The following YWHAZ variants were observed in gnomAD, a reference collection of about 807,000 sequenced individuals.
The protein encoded by YWHAZ is 14-3-3 protein zeta/delta.
For missense variants in YWHAZ, 79 were observed against 284.8 expected (o/e 0.28, Z 5.20); for synonymous variants, 87 against 103.6 (o/e 0.84, Z 0.97).
Position 100,917,376 on chromosome 8 carries a change from A to G in YWHAZ, c.*3317T>C, listed in dbSNP as rs2130043560. ...GGAAAGCCCATCGTTTTTACTAATC[A>G]CACTGCTGCTCCACTTTCTGAAGGA... On this transcript the variant is annotated 3_prime_UTR_variant, in exon 6 of 6. Transcript: ENST00000395958. 6.6e-6 allele frequency: 1 copy of G among 152,258 alleles called. No homozygotes were observed. The highest frequency in any genetic ancestry group is 3.4e-3 in the Middle Eastern group (1 of 294). 9.4% of individuals were successfully genotyped at this position (152,258 alleles called of 1,614,324 possible).
intron 5 of YWHAZ, among the ~76,000 whole-genome samples, chr8:100,921,649 A>G (rs1813034623): frequency 6.6e-6 from 1 of 152,226 alleles, no homozygotes; most frequent in South Asian, 2.1e-4. Context: ...AGCTCTTGCC[A>G]TTACTTTAAA....
At chr8:100,944,232 A>G (rs1383339512) in intron 2 of YWHAZ, among the ~76,000 whole-genome samples, 1 of 152,188 alleles carries the variant, frequency 6.6e-6, no homozygotes, top group East Asian at 1.9e-4. Context: ...CTAACTCTAC[A>G]TAGCAGTTTT....
chr8:100,950,112 A>G (rs1357024489), intron 1 of YWHAZ, among the ~76,000 whole-genome samples: 2 of 152,236 alleles, frequency 1.3e-5, no homozygotes, highest in Non-Finnish European at 2.9e-5. Flanking sequence ...TTTTAAACAA[A>G]TAATTAACCA....
chr8:100,945,767 G>C (rs1810220913), intron 2 of YWHAZ, among the ~76,000 whole-genome samples: 1 of 152,074 alleles, frequency 6.6e-6, no homozygotes, highest in Non-Finnish European at 1.5e-5. Flanking sequence ...GGAAAAAGAA[G>C]CCTATTATCG....
chr8:100,926,693 C>G (rs1275516520), intron 2 of YWHAZ, among the ~76,000 whole-genome samples: 2 of 152,216 alleles, frequency 1.3e-5, no homozygotes, highest in African/African-American at 4.8e-5. Context: ...CAACCTCTGT[C>G]TTACACCACA....
intron 2 of YWHAZ, among the ~76,000 whole-genome samples, chr8:100,934,091 G>A (rs554145863): frequency 3.4e-5 from 5 of 148,174 alleles, no homozygotes; most frequent in Non-Finnish European, 4.5e-5. Context: ...CCCTGGAGGC[G>A]GAGGTTGCAG....
At position 100,918,206 on chromosome 8, in the gene YWHAZ, G is replaced by C. The variant is rs1812781697; in HGVS notation, c.*2487C>G. The C allele has an allele frequency of 6.6e-6, 1 of 150,744 alleles. No homozygotes were observed. Among genetic ancestry groups the C allele is most frequent in the Non-Finnish European group, 1.5e-5 (1 of 67,738 alleles). 9.3% of individuals were successfully genotyped at this position (150,744 alleles called of 1,614,324 possible). On this transcript the variant is annotated 3_prime_UTR_variant, in exon 6 of 6. Transcript: ENST00000395958. ...AAAAACACAAAAATTAGCCAGGTGT[G>C]GTGGCGGGCACCTGTAATCCCAGCT...
chr8:100,932,508 G>A (rs1456261566), intron 2 of YWHAZ, among the ~76,000 whole-genome samples: 2 of 152,104 alleles, frequency 1.3e-5, no homozygotes, highest in African/African-American at 2.4e-5. Flanking sequence ...CACTTTTACA[G>A]TCATAAAAAA....
intron 2 of YWHAZ, among the ~76,000 whole-genome samples, chr8:100,932,892 A>G (rs1813855861): frequency 1.3e-5 from 2 of 152,216 alleles, no homozygotes. Flanking sequence ...TTTCTTTTTA[A>G]AAGAAACAGT....
At chr8:100,949,292 A>T (rs1810530176) in intron 1 of YWHAZ, among the ~76,000 whole-genome samples, 1 of 152,220 alleles carries the variant, frequency 6.6e-6, no homozygotes. Context: ...CTTTAGTAAA[A>T]GCATTGTTTA....
intron 2 of YWHAZ, chr8:100,935,202 T>A (rs531443443): frequency 3.9e-5 from 6 of 152,236 alleles, no homozygotes; most frequent in Admixed American, 1.3e-4. Flanking sequence ...ACATATATAC[T>A]CTTAACCTAC....
In YWHAZ at chr8:100,924,561, G is replaced by GACCC. The variant is rs1366170041; in HGVS notation, c.419-267_419-264dup. 6.6e-6 allele frequency among the ~76,000 whole-genome samples: 1 copy of GACCC among 151,770 alleles called. No individual in the cohort carries two copies. Among genetic ancestry groups the GACCC allele is most frequent in the Non-Finnish European group, 1.5e-5 (1 of 67,976 alleles). ...AAAATTGACGAGTTTTGACATCCCA[G>GACCC]ACCCAAGCAATCCTCCCACCTCAGC... On this transcript the variant is annotated intron_variant, in intron 3 of 5. Coordinates refer to ENST00000395958, the MANE Select transcript of YWHAZ (RefSeq NM_145690.3). This position sits in a 1 kb window ranked among gnomAD's most constrained non-coding sequence, Gnocchi z 5.7.
rs778927670 is a variant in YWHAZ, at chr8:100,943,010, G to A, written c.294+5586C>T. On this transcript the variant is annotated intron_variant, in intron 2 of 5. Coordinates refer to ENST00000395958, the MANE Select transcript of YWHAZ (RefSeq NM_145690.3). ...AATCCTGGGAACTATACAATTCAGCGTGAATGTAAAGGATAGGGAACCAAT... is the reference window on the plus strand; with the variant it reads ...AATCCTGGGAACTATACAATTCAGCATGAATGTAAAGGATAGGGAACCAAT... 2.6e-5 allele frequency among the ~76,000 whole-genome samples: 4 copies of A among 152,172 alleles called. No individual in the cohort carries two copies. The South Asian group carries it at 6.2e-4, about 24-fold the overall frequency.
upstream of YWHAZ, chr8:100,952,883 T>TAA (rs1810904395): frequency 1.0e-6 from 1 of 1,000,210 alleles, no homozygotes. Flanking sequence ...CTAGACCTTT[T>TAA]ATGGCTCGGA....
chr8:100,951,415 A>AGGAGGGGGCGGCCGAGGGCGAGG, intron 1 of YWHAZ: 1 of 978,406 alleles, frequency 1.0e-6, no homozygotes, highest in Non-Finnish European at 1.2e-6. Flanking sequence ...GGGGAGGGAA[A>AGGAGGGGGCGGCCGAGGGCGAGG]GGAGGGGGCG....
chr8:100,948,930 A>AT lies in YWHAZ; in HGVS notation c.-11-31dup. On this transcript the variant is annotated intron_variant, in intron 1 of 5. Transcript: ENST00000395958. This position sits in a 1 kb window ranked among gnomAD's most constrained non-coding sequence, Gnocchi z 4.2. ...AGGGGGGAAAAAAGGAGTATTTAAA[A>AT]TTTTTCCCATCAAAATAAACAGACT... The AT allele has an allele frequency of 6.5e-7, 1 of 1,540,996 alleles. No individual in the cohort carries two copies.
chr8:100,950,403 T>C, intron 1 of YWHAZ: 1 of 985,502 alleles, frequency 1.0e-6, no homozygotes, highest in Non-Finnish European at 1.2e-6. Flanking sequence ...ATTTAACCCT[T>C]ACCTGACTTG....
intron 2 of YWHAZ, among the ~76,000 whole-genome samples, chr8:100,946,267 G>A (rs1322106938): frequency 6.6e-6 from 1 of 152,164 alleles, no homozygotes; most frequent in South Asian, 2.1e-4. Context: ...GGCTGGACGT[G>A]GTGGCTCACT....
chr8:100,952,188 C>A (rs1005945130), upstream of YWHAZ: 1 of 983,430 alleles, frequency 1.0e-6, no homozygotes, highest in African/African-American at 1.7e-5. Flanking sequence ...CGCCGCTCCC[C>A]GGCGCTCGTC....
Sources: gnomAD v4.1 joint callset for allele counts (sites outside exome capture counted in the v4.1 genomes callset) on GRCh38, gnomAD v4.1.1 for gene constraint, Gnocchi (gnomAD v3.1) non-coding constraint, MANE v1.5 for transcripts, NCBI Gene and HGNC (gene_info 2026-07-23, HGNC 2026-07-21) for gene names.